SCAPER: variants seen among roughly 807,000 people sequenced by gnomAD.
SCAPER encodes the protein S-phase cyclin A associated protein in the ER.
Under a neutral mutation model 182.2 loss-of-function variants are expected in SCAPER, and 98 were observed. The ratio of observed to expected loss-of-function variants is 0.54; its 90% CI spans 0.46 to 0.64. The LOEUF (loss-of-function observed/expected upper bound fraction) is 0.64, where lower values mean the gene tolerates loss of function less well. SCAPER is among the 30% of genes least tolerant of loss of function. The pLI is 0.00. For synonymous variants in SCAPER, 605 were observed against 564.6 expected (o/e 1.07, Z -1.01); for missense variants, 1,432 against 1,690.0 (o/e 0.85, Z 2.68).
chr15:76,599,792 C>T (rs144683626), intron 22 of SCAPER, among the ~76,000 whole-genome samples: 2 of 121,296 alleles, frequency 1.6e-5, no homozygotes, highest in African/African-American at 5.0e-5. Flanking sequence ...CATATAATAA[C>T]CTTCTGGGAT....
chr15:76,796,927 T>C (rs2065369276), intron 7 of SCAPER, among the ~76,000 whole-genome samples: 1 of 152,194 alleles, frequency 6.6e-6, no homozygotes, highest in Non-Finnish European at 1.5e-5. Flanking sequence ...TTAGATTCTA[T>C]TAAACAAACA....
At chr15:76,501,368 C>T (rs1364204324) in intron 24 of SCAPER, among the ~76,000 whole-genome samples, 1 of 145,712 alleles carries the variant, frequency 6.9e-6, no homozygotes, top group Non-Finnish European at 1.5e-5. Context: ...AAAAAAGCTT[C>T]TGGAAGCAAA....
chr15:76,375,215 C>CAAA lies in SCAPER; in HGVS notation c.3855+944_3855+946dup, dbSNP rs35499483. Among the ~76,000 whole-genome samples the CAAA allele has an allele frequency of 1.0e-3, 57 of 56,746 alleles. 4 individuals carry two copies. Among genetic ancestry groups the CAAA allele is most frequent in the East Asian group, 5.5e-3 (10 of 1,804 alleles). The allele number at this position is 56,746 out of a possible 152,430, so 37.2% of individuals were successfully genotyped here. A position where few individuals can be genotyped will look rare whatever the true frequency, so the allele number is the denominator to read the frequency against. Reference sequence around the variant, plus strand: ...CCTGAATGACAGAGCAAGAACTTGTCAAAAAAAAAAAAAAAAAAAAAGCAG... The same window carrying CAAA: ...CCTGAATGACAGAGCAAGAACTTGTCAAAAAAAAAAAAAAAAAAAAAAAAGCAG... On this transcript the variant is annotated intron_variant, in intron 29 of 31. Coordinates refer to ENST00000563290, the MANE Select transcript of SCAPER (RefSeq NM_020843.4).
At chr15:76,440,836 A>C (rs760635807) in intron 25 of SCAPER, among the ~76,000 whole-genome samples, 4 of 152,078 alleles carry the variant, frequency 2.6e-5, no homozygotes, top group Non-Finnish European at 4.4e-5. Flanking sequence ...TGGCTTGAAA[A>C]TATAAAAGGA....
chr15:76,473,153 A>G (rs2050328784), intron 24 of SCAPER, among the ~76,000 whole-genome samples: 4 of 152,218 alleles, frequency 2.6e-5, no homozygotes, highest in African/African-American at 7.2e-5. Flanking sequence ...ACAATATGCT[A>G]AAGTTGAAAT....
At chr15:76,572,944 C>CACACACACACACACACACAG (rs1304389875) in intron 23 of SCAPER, among the ~76,000 whole-genome samples, 1 of 151,434 alleles carries the variant, frequency 6.6e-6, no homozygotes, top group African/African-American at 2.4e-5. Context: ...CACACACACA[C>CACACACACACACACACACAG]AGAGAAATGT....
chr15:76,637,227 T>G (rs2053676665), intron 21 of SCAPER, among the ~76,000 whole-genome samples: 1 of 152,098 alleles, frequency 6.6e-6, no homozygotes. Context: ...TATAAAATTT[T>G]TGTTTGAATA....
intron 20 of SCAPER, among the ~76,000 whole-genome samples, chr15:76,682,933 T>C (rs2057814503): frequency 6.6e-6 from 1 of 151,950 alleles, no homozygotes; most frequent in African/African-American, 2.4e-5. Flanking sequence ...CTTCAAAAAC[T>C]GAAGGAACAT....
intron 21 of SCAPER, 64 bp from the exon 22 acceptor site, chr15:76,621,893 T>C: frequency 2.5e-6 from 3 of 1,179,578 alleles, no homozygotes; most frequent in Non-Finnish European, 3.7e-6. Flanking sequence ...AACCAAAATG[T>C]TGGCTGTATT....
chr15:76,828,317 T>C (rs2068176950), intron 5 of SCAPER, among the ~76,000 whole-genome samples: 1 of 151,864 alleles, frequency 6.6e-6, no homozygotes, highest in African/African-American at 2.4e-5. Context: ...CAAGTCAAAT[T>C]TGACTAACCC....
intron 21 of SCAPER, among the ~76,000 whole-genome samples, chr15:76,634,967 A>C (rs2053470796): frequency 1.3e-5 from 2 of 152,164 alleles, no homozygotes. Flanking sequence ...ACTAATTTTA[A>C]CATAGGCTAA....
At chr15:76,765,783 A>G (rs2063075451) in intron 11 of SCAPER, 145 bp from the exon 12 acceptor site, 1 of 670,630 alleles carries the variant, frequency 1.5e-6, no homozygotes, top group Admixed American at 2.8e-5. Flanking sequence ...GGTACCTACC[A>G]GTACAATCAA....
At chr15:76,433,430 C>T (rs2046992765) in intron 26 of SCAPER, among the ~76,000 whole-genome samples, 2 of 152,108 alleles carry the variant, frequency 1.3e-5, no homozygotes, top group African/African-American at 4.8e-5. Flanking sequence ...ATTGCTTGAA[C>T]CCAGGAGGCG....
chr15:76,803,784 T>TA (rs890519646), intron 6 of SCAPER, among the ~76,000 whole-genome samples: 4 of 152,226 alleles, frequency 2.6e-5, no homozygotes, highest in African/African-American at 9.7e-5. Flanking sequence ...CACCTCTTAA[T>TA]ACTATCACAT....
intron 23 of SCAPER, among the ~76,000 whole-genome samples, chr15:76,510,876 T>C (rs1300948981): frequency 6.6e-6 from 1 of 151,768 alleles, no homozygotes; most frequent in Non-Finnish European, 1.5e-5. Context: ...TGTGTGTGTG[T>C]GTGTGTGTGT....
At position 76,348,559 on chromosome 15, in the gene SCAPER, G is replaced by T; in HGVS notation, c.*74C>A. The T allele has an allele frequency of 9.7e-7, 1 of 1,032,662 alleles. No homozygotes were observed. Among genetic ancestry groups the T allele is most frequent in the South Asian group, 1.6e-5 (1 of 61,536 alleles). 64.0% of individuals were successfully genotyped at this position (1,032,662 alleles called of 1,614,324 possible). On this transcript the variant is annotated 3_prime_UTR_variant, in exon 32 of 32. Transcript: ENST00000563290. ...AAACATGGGAAAATGAGTTCTTAAG[G>T]AACAATTAGAATGTTTGTTTGGACA...
intron 5 of SCAPER, among the ~76,000 whole-genome samples, chr15:76,811,892 A>G (rs1383318986): frequency 6.6e-6 from 1 of 152,084 alleles, no homozygotes; most frequent in Non-Finnish European, 1.5e-5. Context: ...ACCTATATTG[A>G]AGAAGAAATA....
chr15:76,706,029 A>G, intron 17 of SCAPER, 45 bp from the exon 18 acceptor site: 1 of 1,436,996 alleles, frequency 7.0e-7, no homozygotes, highest in East Asian at 2.5e-5. Context: ...GCTTAAAGTA[A>G]CAAATCTCAT....
At chr15:76,538,826 T>C (rs995900661) in intron 23 of SCAPER, among the ~76,000 whole-genome samples, 1 of 152,128 alleles carries the variant, frequency 6.6e-6, no homozygotes, top group Non-Finnish European at 1.5e-5. Flanking sequence ...GCATATACAA[T>C]GGTATAGACA....
Sources: allele counts gnomAD v4.1 joint callset (sites outside exome capture counted in the v4.1 genomes callset), GRCh38; gene constraint gnomAD v4.1.1; transcripts MANE v1.5; gene names NCBI Gene and HGNC (gene_info 2026-07-23, HGNC 2026-07-21).